Variants in GPC5 observed in about 807,000 individuals in gnomAD.
The protein encoded by GPC5 is glypican-5.
Under a neutral mutation model 53.9 loss-of-function variants are expected in GPC5, and 47 were observed. The ratio of observed to expected loss-of-function variants is 0.87; its 90% CI spans 0.69 to 1.11. The LOEUF (loss-of-function observed/expected upper bound fraction) is 1.11. Ranked by LOEUF, GPC5 falls within the 50% of genes most tolerant of loss-of-function variation. GPC5 has a pLI of 0.00. For missense variants in GPC5, 748 were observed against 713.1 expected (o/e 1.05, Z -0.56); for synonymous variants, 286 against 263.3 (o/e 1.09, Z -0.84).
In GPC5 at chr13:92,276,913, T is replaced by G. The variant is rs575639821; in HGVS notation, c.1561+131924T>G. Reference sequence around the variant, plus strand: ...AATGATGATGCAAGTAGAATTTTACTCATCCAGAGGAGGTATATATTAGTC... The same window carrying G: ...AATGATGATGCAAGTAGAATTTTACGCATCCAGAGGAGGTATATATTAGTC... On this transcript the variant is annotated intron_variant, in intron 7 of 7. Transcript: ENST00000377067. Among the ~76,000 whole-genome samples the G allele has an allele frequency of 2.6e-5, 4 of 152,210 alleles. No individual in the cohort carries two copies. The South Asian group carries it at 8.3e-4, about 31-fold the overall frequency.
intron 6 of GPC5, among the ~76,000 whole-genome samples, chr13:91,970,437 C>A (rs941657430): frequency 1.3e-5 from 2 of 151,754 alleles, no homozygotes; most frequent in Admixed American, 6.6e-5. Flanking sequence ...ATTGCCCCCC[C>A]CTCACACATA....
chr13:92,587,902 G>T (rs1429471124), intron 7 of GPC5, among the ~76,000 whole-genome samples: 2 of 150,350 alleles, frequency 1.3e-5, no homozygotes, highest in Admixed American at 1.3e-4. Flanking sequence ...TTTTTTTTTT[G>T]AAAGGCCTAT....
intron 7 of GPC5, among the ~76,000 whole-genome samples, chr13:92,255,644 T>G (rs2042721619): frequency 6.6e-6 from 1 of 152,170 alleles, no homozygotes; most frequent in South Asian, 2.1e-4. Flanking sequence ...GTTTCCTTTA[T>G]GCAATCACTG....
At chr13:92,198,482 T>C (rs1405777017) in intron 7 of GPC5, among the ~76,000 whole-genome samples, 1 of 152,230 alleles carries the variant, frequency 6.6e-6, no homozygotes, top group Non-Finnish European at 1.5e-5. Context: ...GACTTATAGT[T>C]CAGATATTTG....
chr13:92,165,460 G>C (rs1245910758), intron 7 of GPC5, among the ~76,000 whole-genome samples: 1 of 152,134 alleles, frequency 6.6e-6, no homozygotes, highest in African/African-American at 2.4e-5. Context: ...GGCTGGGGAG[G>C]CCTCAGAAAC....
Position 92,583,220 on chromosome 13 carries a change from A to G in GPC5, c.1562-283062A>G, listed in dbSNP as rs559112154. ...ATGGATGTTAAATTTTGTCAAACAC[A>G]TTTTCTGCATCTATGGAAATGATCA... On this transcript the variant is annotated intron_variant, in intron 7 of 7. Coordinates refer to ENST00000377067, the MANE Select transcript of GPC5 (RefSeq NM_004466.6). Among the ~76,000 whole-genome samples the G allele has an allele frequency of 5.3e-5, 8 of 152,236 alleles. No individual in the cohort carries two copies. In the East Asian group the frequency reaches 1.5e-3, roughly 29 times the overall value.
At chr13:92,716,989 T>C (rs999586931) in intron 7 of GPC5, among the ~76,000 whole-genome samples, 28 of 152,144 alleles carry the variant, frequency 1.8e-4, no homozygotes, top group African/African-American at 6.5e-4. Flanking sequence ...GGAGAGTTTA[T>C]GTGACTTTCC....
intron 6 of GPC5, among the ~76,000 whole-genome samples, chr13:91,991,140 A>C (rs2040452639): frequency 6.6e-6 from 1 of 152,214 alleles, no homozygotes. Flanking sequence ...AACTATGATG[A>C]TCGTACACAA....
chr13:91,663,382 G>T (rs971553759), intron 2 of GPC5, among the ~76,000 whole-genome samples: 4 of 152,062 alleles, frequency 2.6e-5, no homozygotes, highest in Non-Finnish European at 5.9e-5. Flanking sequence ...CCTACATTTT[G>T]CTGTATAAAT....
At chr13:91,565,329 C>T (rs2031480618) in intron 2 of GPC5, among the ~76,000 whole-genome samples, 1 of 152,112 alleles carries the variant, frequency 6.6e-6, no homozygotes. Context: ...GTTTATACTG[C>T]TTCAACAATG....
At chr13:91,785,490 A>G (rs936842239) in intron 5 of GPC5, among the ~76,000 whole-genome samples, 3 of 149,328 alleles carry the variant, frequency 2.0e-5, no homozygotes, top group East Asian at 1.9e-4. Context: ...CTTTAAATAC[A>G]TGAATACGAT....
At chr13:92,730,845 A>T (rs1283922999) in intron 7 of GPC5, among the ~76,000 whole-genome samples, 1 of 151,422 alleles carries the variant, frequency 6.6e-6, no homozygotes. Flanking sequence ...CTTGCACTGG[A>T]ATCCCAAATG....
At chr13:91,797,069 CAG>C (rs1177940993) in intron 5 of GPC5, among the ~76,000 whole-genome samples, 2 of 151,918 alleles carry the variant, frequency 1.3e-5, no homozygotes, top group South Asian at 2.1e-4. Flanking sequence ...TTTTATGCCA[CAG>C]AGTCACATAA....
At chr13:92,520,889 C>T (rs1191204451) in intron 7 of GPC5, among the ~76,000 whole-genome samples, 1 of 152,196 alleles carries the variant, frequency 6.6e-6, no homozygotes, top group Non-Finnish European at 1.5e-5. Context: ...TCCCCATCAT[C>T]TCAACCCAAA....
intron 7 of GPC5, among the ~76,000 whole-genome samples, chr13:92,478,214 A>G (rs1307239416): frequency 6.6e-6 from 1 of 152,180 alleles, no homozygotes; most frequent in Non-Finnish European, 1.5e-5. Context: ...CCCAATAGAG[A>G]AAAAATATTA....
At chr13:91,831,514 T>A (rs906960931) in intron 5 of GPC5, among the ~76,000 whole-genome samples, 1 of 152,046 alleles carries the variant, frequency 6.6e-6, no homozygotes, top group Non-Finnish European at 1.5e-5. Flanking sequence ...GCAAAAGTTA[T>A]ATTAGTGTCT....
chr13:92,684,703 C>G (rs1210316972), intron 7 of GPC5, among the ~76,000 whole-genome samples: 1 of 152,138 alleles, frequency 6.6e-6, no homozygotes, highest in Non-Finnish European at 1.5e-5. Flanking sequence ...AGCATAAACA[C>G]TTTTCTGCAT....
At chr13:92,541,414 AT>A (rs1172258368) in intron 7 of GPC5, among the ~76,000 whole-genome samples, 1 of 151,884 alleles carries the variant, frequency 6.6e-6, no homozygotes, top group East Asian at 1.9e-4. Context: ...TTGAGAAAAA[AT>A]CAACTTATTG....
chr13:91,438,642 C>G (rs897443227), intron 1 of GPC5, among the ~76,000 whole-genome samples: 4 of 152,194 alleles, frequency 2.6e-5, no homozygotes, highest in Non-Finnish European at 5.9e-5. Flanking sequence ...TGTCCATACT[C>G]AGATCTCAAG....
Sources: gnomAD v4.1 joint callset for allele counts (sites outside exome capture counted in the v4.1 genomes callset) on GRCh38, gnomAD v4.1.1 for gene constraint, MANE v1.5 for transcripts, NCBI Gene and HGNC (gene_info 2026-07-23, HGNC 2026-07-21) for gene names.